CNTN5: variants seen among roughly 807,000 people sequenced by gnomAD.
CNTN5 encodes the protein contactin 5, also known as contactin-5.
Under a neutral mutation model 129.1 loss-of-function variants are expected in CNTN5, and 77 were observed. The observed-to-expected ratio is 0.60, with a 90% confidence interval of 0.50 to 0.72. The LOEUF (loss-of-function observed/expected upper bound fraction) is 0.72. Among genes scored for constraint, CNTN5 ranks in the 30% least tolerant of loss-of-function variants. The pLI, the probability that CNTN5 is intolerant of heterozygous loss-of-function variation, is 0.00. For missense variants in CNTN5, 1,478 were observed against 1,328.8 expected, an observed-to-expected ratio of 1.11 and a Z score of -1.75; for synonymous variants, 509 against 465.6, an observed-to-expected ratio of 1.09 and a Z score of -1.20.
At chr11:99,178,121 A>G (rs1293301109) in intron 1 of CNTN5, among the ~76,000 whole-genome samples, 1 of 151,962 alleles carries the variant, frequency 6.6e-6, no homozygotes, top group African/African-American at 2.4e-5. Context: ...AACAAGACCT[A>G]CAACTAAGAA....
chr11:99,620,045 C>CCAAAAAGAAAAAAAAAACAA (rs1950890481), intron 3 of CNTN5, among the ~76,000 whole-genome samples: 1 of 124,164 alleles, frequency 8.1e-6, no homozygotes, highest in Non-Finnish European at 1.7e-5. Flanking sequence ...AAACAAAAAA[C>CCAAAAAGAAAAAAAAAACAA]AAAGCTTAGA....
chr11:99,507,179 C>A lies in CNTN5; in HGVS notation c.-70-48966C>A, dbSNP rs11220227. The stretch of plus-strand genomic sequence containing the variant: ...GATCATGAGGTCAAGAGCTCGAGAC[C>A]ATCCTGGCCAACATGGTGAAACTCT... On this transcript the variant is annotated intron_variant, in intron 2 of 24. Coordinates refer to ENST00000524871, the MANE Select transcript of CNTN5 (RefSeq NM_014361.4). Among the ~76,000 whole-genome samples, 678 of 151,878 alleles carry A rather than the reference C, an allele frequency of 4.5e-3. 1 individual carries two copies. Among genetic ancestry groups the A allele is most frequent in the Non-Finnish European group, 7.7e-3 (525 of 67,934 alleles).
At chr11:99,208,297 A>G (rs913475657) in intron 1 of CNTN5, among the ~76,000 whole-genome samples, 2 of 152,186 alleles carry the variant, frequency 1.3e-5, no homozygotes, top group Non-Finnish European at 2.9e-5. Context: ...GGCAGAAATT[A>G]CATTTACAGT....
intron 8 of CNTN5, among the ~76,000 whole-genome samples, chr11:99,994,385 T>G (rs780445943): frequency 1.6e-4 from 24 of 152,182 alleles, no homozygotes; most frequent in Non-Finnish European, 3.4e-4. Flanking sequence ...GTTCTACAAA[T>G]AGTATTATAC....
intron 2 of CNTN5, among the ~76,000 whole-genome samples, chr11:99,548,675 C>T (rs2135516087): frequency 6.6e-6 from 1 of 152,312 alleles, no homozygotes; most frequent in South Asian, 2.1e-4. Context: ...GTTTGTATCT[C>T]ACAGTACATT....
At chr11:100,016,433 A>T (rs1940826639) in intron 9 of CNTN5, among the ~76,000 whole-genome samples, 2 of 152,090 alleles carry the variant, frequency 1.3e-5, no homozygotes, top group East Asian at 3.9e-4. Context: ...AATTAAATAA[A>T]TGATTATACA....
At chr11:99,581,821 T>A (rs1341426229) in intron 3 of CNTN5, among the ~76,000 whole-genome samples, 1 of 152,220 alleles carries the variant, frequency 6.6e-6, no homozygotes, top group Non-Finnish European at 1.5e-5. Flanking sequence ...TTTAGCCCAT[T>A]TACATTTAAG....
At chr11:99,118,719 A>G (rs1338416855) in intron 1 of CNTN5, among the ~76,000 whole-genome samples, 1 of 152,126 alleles carries the variant, frequency 6.6e-6, no homozygotes, top group East Asian at 1.9e-4. Context: ...ACATAGAAGT[A>G]AATTATATTT....
rs1321725468 is a variant in CNTN5 at position 99,555,260 on chromosome 11, CA to C, written c.-70-880del. Among the ~76,000 whole-genome samples, 11 of 152,094 alleles carry C rather than the reference CA, an allele frequency of 7.2e-5. 1 individual carries two copies. In the South Asian group the frequency reaches 2.1e-3, roughly 29 times the overall value. ...AGATACCAAGAAGGCAATCATTATT[CA>C]AAAATCATTGACATACTTTACAATT... On this transcript the variant is annotated intron_variant, in intron 2 of 24. Coordinates refer to ENST00000524871, the MANE Select transcript of CNTN5 (RefSeq NM_014361.4).
chr11:99,382,682 A>G (rs1349397961), intron 2 of CNTN5, among the ~76,000 whole-genome samples: 1 of 151,898 alleles, frequency 6.6e-6, no homozygotes, highest in Non-Finnish European at 1.5e-5. Flanking sequence ...AATCAGAGAC[A>G]GGTGATCTGG....
intron 15 of CNTN5, among the ~76,000 whole-genome samples, chr11:100,212,446 C>T (rs139515897): frequency 1.2e-3 from 186 of 152,238 alleles, no homozygotes; most frequent in Non-Finnish European, 2.0e-3. Flanking sequence ...GAATAGACGA[C>T]AGGGTCAAAG....
intron 13 of CNTN5, among the ~76,000 whole-genome samples, chr11:100,140,610 C>G (rs1346461388): frequency 6.6e-6 from 1 of 151,862 alleles, no homozygotes; most frequent in Non-Finnish European, 1.5e-5. Flanking sequence ...AAGGAAAGGC[C>G]AAAGGCCTGA....
chr11:99,388,320 C>T (rs918414039), intron 2 of CNTN5, among the ~76,000 whole-genome samples: 2 of 144,228 alleles, frequency 1.4e-5, no homozygotes, highest in Non-Finnish European at 3.0e-5. Flanking sequence ...GAGGCTGAGG[C>T]AGGAAAATTG....
At chr11:99,238,867 A>T (rs949773309) in intron 1 of CNTN5, among the ~76,000 whole-genome samples, 1 of 152,186 alleles carries the variant, frequency 6.6e-6, no homozygotes, top group African/African-American at 2.4e-5. Context: ...ATAGATGCAA[A>T]AATATATTGA....
intron 6 of CNTN5, among the ~76,000 whole-genome samples, chr11:99,856,563 T>G (rs1448025100): frequency 1.3e-5 from 2 of 152,180 alleles, no homozygotes; most frequent in Non-Finnish European, 2.9e-5. Context: ...TCCATGGGAC[T>G]TAAGGGGCAA....
At chr11:99,026,101 T>A (rs1863096515) in intron 1 of CNTN5, among the ~76,000 whole-genome samples, 1 of 151,670 alleles carries the variant, frequency 6.6e-6, no homozygotes, top group Non-Finnish European at 1.5e-5. Context: ...ACAGGAATTT[T>A]TAAAAGAATT....
chr11:99,737,471 A>G (rs117216373), intron 3 of CNTN5, among the ~76,000 whole-genome samples: 2,106 of 152,258 alleles, frequency 0.014, 112 homozygotes, highest in Admixed American at 0.092. Flanking sequence ...GAAAAAGTGG[A>G]TAGATATCTA....
At chr11:99,022,309 T>C (rs1298208579) in intron 1 of CNTN5, among the ~76,000 whole-genome samples, 1 of 152,162 alleles carries the variant, frequency 6.6e-6, no homozygotes, top group Non-Finnish European at 1.5e-5. Context: ...AATGCAGATA[T>C]CATCGATTAC....
intron 7 of CNTN5, among the ~76,000 whole-genome samples, chr11:99,943,748 A>G (rs1950495119): frequency 1.3e-5 from 2 of 152,160 alleles, no homozygotes; most frequent in Non-Finnish European, 2.9e-5. Context: ...TGTTTTCTGC[A>G]TATCGCTACC....
Sources: gnomAD v4.1 joint callset for allele counts (sites outside exome capture counted in the v4.1 genomes callset) on GRCh38, gnomAD v4.1.1 for gene constraint, MANE v1.5 for transcripts, NCBI Gene and HGNC (gene_info 2026-07-23, HGNC 2026-07-21) for gene names.